The following XRCC6 variants were observed in gnomAD, a reference collection of about 807,000 sequenced individuals.
XRCC6 encodes X-ray repair cross complementing 6, also known as DNA repair protein Ku70.
XRCC6 carries 5 observed loss-of-function variants against 65.7 expected under a neutral mutation model. That is an observed-to-expected ratio of 0.08 (90% CI 0.04 to 0.16). The LOEUF (loss-of-function observed/expected upper bound fraction) is 0.16, where lower values mean the gene tolerates loss of function less well. Ranked by LOEUF, XRCC6 falls within the 10% of genes least tolerant of loss-of-function variation. The probability of loss-of-function intolerance (pLI) is 1.00; values close to 1 mark genes in which losing one functional copy is unlikely to be tolerated. For missense variants in XRCC6, 447 were observed against 738.1 expected (o/e 0.61, Z 4.57); for synonymous variants, 270 against 270.6 (o/e 1.00, Z 0.02).
intron 5 of XRCC6, among the ~76,000 whole-genome samples, chr22:41,637,006 G>T (rs1246931211): frequency 6.6e-6 from 1 of 151,170 alleles, no homozygotes; most frequent in Admixed American, 6.6e-5. Context: ...GAAGATGCCT[G>T]TGTAACATTA....
chr22:41,626,985 A>G (rs561754240), intron 2 of XRCC6, among the ~76,000 whole-genome samples: 1 of 152,284 alleles, frequency 6.6e-6, no homozygotes, highest in African/African-American at 2.4e-5. Flanking sequence ...CATGTTGGCT[A>G]GGCTGGTCTC....
Position 41,653,649 on chromosome 22 carries a change from A to G in XRCC6, c.1250A>G (p.Glu417Gly). The G allele has an allele frequency of 6.2e-7, 1 of 1,614,030 alleles. No individual in the cohort carries two copies. Among genetic ancestry groups the G allele is most frequent in the Admixed American group, 1.7e-5 (1 of 59,994 alleles). ...PPYFVALVPQEEELDDQKIQV... is the reference protein window; with the variant it reads ...PPYFVALVPQGEELDDQKIQV... ...TATTTTGTGGCTTTGGTGCCACAGG[A>G]AGAAGAGTTGGATGACCAGAAAATT... is the stretch of plus-strand genomic sequence containing the variant. The change falls in exon 9 of 13, where the codon GAA becomes GGA. Residue 417 changes from glutamate (E) to glycine (G), a missense_variant. Glu to Gly is a moderately conservative substitution (Grantham distance 98). This residue lies in a region of XRCC6 where 201 missense variants were observed against 374.1 expected (regional missense o/e 0.54). Transcript: ENST00000360079.
At chr22:41,636,369 A>G (rs1569085481) in intron 4 of XRCC6, 118 bp downstream of exon 4, 3 of 1,487,910 alleles carry the variant, frequency 2.0e-6, no homozygotes, top group Non-Finnish European at 2.7e-6. Flanking sequence ...GCTTTCCTCC[A>G]TAAGGGGACC....
At chr22:41,658,405 C>CA in intron 11 of XRCC6, 53 bp downstream of exon 11, 2 of 1,524,604 alleles carry the variant, frequency 1.3e-6, no homozygotes, top group Non-Finnish European at 1.8e-6. Flanking sequence ...CTTACTGGTT[C>CA]CACTCTGCAC....
intron 3 of XRCC6, 130 bp from the exon 4 acceptor site, chr22:41,635,983 T>C: frequency 1.4e-6 from 1 of 720,916 alleles, no homozygotes; most frequent in Middle Eastern, 4.3e-4. Flanking sequence ...CCCCTGAAGG[T>C]AGGGATCTTG....
intron 8 of XRCC6, 82 bp from the exon 9 acceptor site, chr22:41,653,447 T>C: frequency 7.5e-7 from 1 of 1,329,078 alleles, no homozygotes; most frequent in Non-Finnish European, 1.0e-6. Flanking sequence ...TTAAAGAAAA[T>C]GGAAGAGAAA....
At chr22:41,663,531 C>A in intron 12 of XRCC6, 91 bp from the exon 13 acceptor site, 1 of 1,431,024 alleles carries the variant, frequency 7.0e-7, no homozygotes, top group Non-Finnish European at 9.6e-7. Flanking sequence ...TTAATTGCAG[C>A]CCAGATTATA....
chr22:41,649,139 A>AAAAAATATATATATATATATATAT, intron 7 of XRCC6, among the ~76,000 whole-genome samples: 10 of 88,722 alleles, frequency 1.1e-4, no homozygotes, highest in South Asian at 4.4e-4. Flanking sequence ...AAAAAAAAAA[A>AAAAAATATATATATATATATATAT]ATATATATAT....
intron 9 of XRCC6, among the ~76,000 whole-genome samples, chr22:41,655,841 G>T (rs7286988): frequency 0.052 from 7,821 of 151,574 alleles, 467 homozygotes; most frequent in African/African-American, 0.13. Flanking sequence ...TGTGCTTACC[G>T]ACGTGAGCCA....
intron 6 of XRCC6, among the ~76,000 whole-genome samples, chr22:41,644,205 A>T (rs572971446): frequency 5.3e-5 from 8 of 151,668 alleles, no homozygotes; most frequent in Non-Finnish European, 8.8e-5. Context: ...TTATAAGTGT[A>T]TTGTTTAATT....
Position 41,650,799 on chromosome 22 carries a change from T to C in XRCC6, c.1037T>C (p.Met346Thr). ...ELKRFDDPGL[M>T]LMGFKPLVLL... is the part of the protein sequence containing the mutation. Reference sequence around the variant, plus strand: ...AAACGGTTTGATGATCCAGGTTTGATGCTCATGGGTTTCAAGCCGTTGGTA... The same window carrying C: ...AAACGGTTTGATGATCCAGGTTTGACGCTCATGGGTTTCAAGCCGTTGGTA... The change falls in exon 8 of 13, where the codon ATG (methionine) becomes ACG (threonine). Residue 346 changes from methionine (M) to threonine (T), a missense_variant. This residue lies in a region of XRCC6 where 201 missense variants were observed against 374.1 expected (regional missense o/e 0.54). Transcript: ENST00000360079. 1 of 1,613,996 alleles carries C rather than the reference T, an allele frequency of 6.2e-7. No individual in the cohort carries two copies. Among genetic ancestry groups the C allele is most frequent in the Non-Finnish European group, 8.5e-7 (1 of 1,179,876 alleles).
At position 41,636,245 on chromosome 22, in the gene XRCC6, A is replaced by T; in HGVS notation, c.328A>T (p.Asn110Tyr). 3.1e-6 allele frequency: 5 copies of T among 1,587,502 alleles called. No individual in the cohort carries two copies. The highest frequency in any genetic ancestry group is 3.4e-6 in the Non-Finnish European group (4 of 1,172,354). Reference protein sequence around the residue: ...KNIYVLQELDNPGAKRILELD... With the variant: ...KNIYVLQELDYPGAKRILELD... ...TATTTACGTCTTACAGGAGCTGGATAATCCAGGTCAGTAATATTTTAAGAT... is the reference window on the plus strand; with the variant it reads ...TATTTACGTCTTACAGGAGCTGGATTATCCAGGTCAGTAATATTTTAAGAT... The change falls in exon 4 of 13, where the codon AAT (asparagine) becomes TAT (tyrosine). Residue 110 changes from asparagine (N) to tyrosine (Y), a missense_variant. Coordinates refer to ENST00000360079, the MANE Select transcript of XRCC6 (RefSeq NM_001469.5).
rs1719616297 is a variant in XRCC6, at chr22:41,622,089, A to G, written c.82+3A>G. The G allele has an allele frequency of 5.0e-6, 8 of 1,614,040 alleles. No homozygotes were observed. Among genetic ancestry groups the G allele is most frequent in the East Asian group, 2.2e-5 (1 of 44,902 alleles). On this transcript the variant is annotated splice_donor_region_variant and intron_variant, in intron 2 of 12. Transcript: ENST00000360079. ...AGAAGAGAACCTTGAAGCAAGTGGT[A>G]AGTGACTTCAGCATGTAGTGCCATT...
Position 41,663,327 on chromosome 22 carries a change from G to A in XRCC6, c.1637-295G>A, listed in dbSNP as rs574122038. ...TATTACCAAGGCTGGTCATGAACCT[G>A]TAAAAGATTTTCAAAGGAAGGAAGG... is the stretch of plus-strand genomic sequence containing the variant. On this transcript the variant is annotated intron_variant, in intron 12 of 12. Transcript: ENST00000360079. Among the ~76,000 whole-genome samples, 70 of 152,280 alleles carry A rather than the reference G, an allele frequency of 4.6e-4. 3 individuals are homozygous for A. In the South Asian group the frequency reaches 0.011, roughly 24 times the overall value.
At chr22:41,630,716 G>C (rs566436922) in intron 3 of XRCC6, among the ~76,000 whole-genome samples, 1 of 152,206 alleles carries the variant, frequency 6.6e-6, no homozygotes, top group South Asian at 2.1e-4. Context: ...CGAGCATGCT[G>C]CCTTCAATCC....
chr22:41,657,193 C>G (rs2068052738), intron 10 of XRCC6, among the ~76,000 whole-genome samples, 161 bp downstream of exon 10: 2 of 152,148 alleles, frequency 1.3e-5, no homozygotes, highest in African/African-American at 4.8e-5. Flanking sequence ...AGAATGGAAC[C>G]TTTTATTATG....
intron 6 of XRCC6, among the ~76,000 whole-genome samples, chr22:41,646,608 A>AAAATCTG (rs1433638186): frequency 9.9e-5 from 15 of 152,190 alleles, no homozygotes; most frequent in African/African-American, 3.6e-4. Flanking sequence ...TATTCCAAAA[A>AAAATCTG]AAATCTGAAA....
intron 7 of XRCC6, among the ~76,000 whole-genome samples, chr22:41,649,142 ATATATATAT>A (rs2067968683): frequency 4.9e-5 from 6 of 122,948 alleles, no homozygotes; most frequent in East Asian, 2.1e-4. Flanking sequence ...AAAAAAAAAT[ATATATATAT>A]ATATATATAT....
intron 12 of XRCC6, among the ~76,000 whole-genome samples, chr22:41,662,910 G>A (rs975404952): frequency 2.6e-5 from 4 of 152,032 alleles, no homozygotes; most frequent in Non-Finnish European, 5.9e-5. Context: ...GTGAAACCTC[G>A]TCTGTACTAA....
Sources: allele counts gnomAD v4.1 joint callset (sites outside exome capture counted in the v4.1 genomes callset), GRCh38; gene constraint gnomAD v4.1.1; regional missense constraint gnomAD v4.1.1; transcripts MANE v1.5; gene names NCBI Gene and HGNC (gene_info 2026-07-23, HGNC 2026-07-21).